Variants in FHL1 observed in about 807,000 individuals in gnomAD.
FHL1 encodes four and a half LIM domains 1.
In FHL1, 1 loss-of-function variant was observed where a neutral mutation model predicts 20.3. The ratio of observed to expected loss-of-function variants is 0.05; its 90% CI spans 0.02 to 0.23. The LOEUF is 0.23. FHL1 is among the 10% of genes least tolerant of loss of function. FHL1 has a pLI of 1.00. For synonymous variants in FHL1, 82 were observed against 88.9 expected, an observed-to-expected ratio of 0.92 and a Z score of 0.44; for missense variants, 177 against 234.0, an observed-to-expected ratio of 0.76 and a Z score of 1.59.
intron 1 of FHL1, among the ~76,000 whole-genome samples, chrX:136,197,475 A>G (rs2073587466): frequency 8.9e-6 from 1 of 112,068 alleles, no homozygotes; most frequent in Non-Finnish European, 1.9e-5. Flanking sequence ...TTTTTATAAG[A>G]TACAATTCTT....
intron 2 of FHL1, among the ~76,000 whole-genome samples, chrX:136,187,750 G>A (rs2073343815): frequency 8.9e-6 from 1 of 111,733 alleles, no homozygotes; most frequent in African/African-American, 3.3e-5. Context: ...TTTCTTTGGG[G>A]GTGATGAAAA....
chrX:136,161,701 A>T (rs1392295559), intron 1 of FHL1, among the ~76,000 whole-genome samples: 2 of 111,840 alleles, frequency 1.8e-5, no homozygotes, highest in Non-Finnish European at 3.8e-5. Context: ...CGCCAATGCC[A>T]ATTTAGGAAA....
chrX:136,165,458 TAA>T (rs2072686976), upstream of FHL1, among the ~76,000 whole-genome samples: 2 of 111,885 alleles, frequency 1.8e-5, no homozygotes, highest in African/African-American at 6.5e-5. Context: ...AGTATTTGAA[TAA>T]AAGTGAGGTA....
chrX:136,173,696 CTT>C (rs971227072), intron 2 of FHL1, among the ~76,000 whole-genome samples: 3 of 94,914 alleles, frequency 3.2e-5, no homozygotes, highest in African/African-American at 3.8e-5. Context: ...TGTTTCTTTT[CTT>C]TTTTTTTTTT....
intron 2 of FHL1, among the ~76,000 whole-genome samples, chrX:136,184,931 A>G (rs1478321654): frequency 2.7e-5 from 3 of 112,176 alleles, no homozygotes; most frequent in African/African-American, 9.7e-5. Flanking sequence ...TGAGGAAGAA[A>G]AAATAACTTG....
chrX:136,169,423 C>T (rs1248401932), upstream of FHL1: 3 of 177,904 alleles, frequency 1.7e-5, 1 homozygote, highest in South Asian at 2.0e-4. Context: ...CATGGCAACC[C>T]CTCTAAATAT....
chrX:136,158,564 C>T (rs1311556952), intron 1 of FHL1, among the ~76,000 whole-genome samples: 1 of 111,236 alleles, frequency 9.0e-6, no homozygotes, highest in Non-Finnish European at 1.9e-5. Flanking sequence ...TTTTTATAAA[C>T]ATCTCCAGAC....
chrX:136,158,202 A>G (rs1323444618), intron 1 of FHL1, among the ~76,000 whole-genome samples: 1 of 111,909 alleles, frequency 8.9e-6, no homozygotes, highest in Non-Finnish European at 1.9e-5. Flanking sequence ...TCTGTGCATG[A>G]AAGGTGTACT....
intron 2 of FHL1, among the ~76,000 whole-genome samples, chrX:136,179,756 G>A (rs1409446646): frequency 4.5e-5 from 5 of 111,646 alleles, no homozygotes. Context: ...TGAATTGTTG[G>A]AGGATATGCT....
At chrX:136,209,026 C>T (rs1325405937) in intron 5 of FHL1, 1 of 433,615 alleles carries the variant, frequency 2.3e-6, no homozygotes, top group Non-Finnish European at 4.0e-6. Context: ...TTGTAATACC[C>T]CATAGCTGAA....
intron 1 of FHL1, among the ~76,000 whole-genome samples, chrX:136,161,059 C>T (rs1208172458): frequency 8.9e-6 from 1 of 111,960 alleles, no homozygotes; most frequent in Non-Finnish European, 1.9e-5. Flanking sequence ...CACCATCTAA[C>T]CCAATCATAA....
At chrX:136,207,569 G>A (rs1430520215) in intron 3 of FHL1, 14 of 441,716 alleles carry the variant, frequency 3.2e-5, no homozygotes, top group Non-Finnish European at 5.1e-5. Context: ...GGGGGATTCA[G>A]GCACTGGATC....
chrX:136,200,487 G>T (rs1219384069), intron 1 of FHL1, among the ~76,000 whole-genome samples: 2 of 112,074 alleles, frequency 1.8e-5, no homozygotes, highest in African/African-American at 6.5e-5. Flanking sequence ...CTGAAATAGG[G>T]TTGGTATGGA....
Position 136,205,105 on chromosome X carries a change from A to G in FHL1, c.23-1302A>G, listed in dbSNP as rs1396775071. 4.5e-5 allele frequency among the ~76,000 whole-genome samples: 5 copies of G among 112,260 alleles called. No homozygotes were observed. The East Asian group carries it at 1.4e-3, about 31-fold the overall frequency. The stretch of plus-strand genomic sequence containing the variant: ...TAATTGCTATCTATTTACCCGTGCA[A>G]ATTTCTTTTTCGGGGGAGAGGAACA... On this transcript the variant is annotated intron_variant, in intron 1 of 5. Coordinates refer to ENST00000370683, the MANE Select transcript of FHL1 (RefSeq NM_001159699.2).
chrX:136,163,713 A>G (rs1251391794), intron 1 of FHL1, among the ~76,000 whole-genome samples: 4 of 111,874 alleles, frequency 3.6e-5, no homozygotes, highest in Non-Finnish European at 7.5e-5. Context: ...GCATCTGGCA[A>G]AATTGTCATG....
At chrX:136,173,854 C>T (rs1246529247) in intron 2 of FHL1, among the ~76,000 whole-genome samples, 1 of 110,639 alleles carries the variant, frequency 9.0e-6, no homozygotes, top group Non-Finnish European at 1.9e-5. Flanking sequence ...GCCCGCACCA[C>T]GCCCGGCTAA....
chrX:136,175,097 A>G (rs2148309126), intron 2 of FHL1, among the ~76,000 whole-genome samples: 1 of 112,357 alleles, frequency 8.9e-6, no homozygotes, highest in East Asian at 2.8e-4. Flanking sequence ...TACAGATTGT[A>G]AGAAAGGTGC....
At chrX:136,171,477 A>G (rs1479106427) in intron 2 of FHL1, among the ~76,000 whole-genome samples, 1 of 111,712 alleles carries the variant, frequency 9.0e-6, no homozygotes, top group African/African-American at 3.3e-5. Flanking sequence ...CTTTAAGGAG[A>G]TATAAAGAAG....
At chrX:136,186,510 G>T (rs1196685174) in intron 2 of FHL1, among the ~76,000 whole-genome samples, 1 of 111,226 alleles carries the variant, frequency 9.0e-6, no homozygotes, top group Non-Finnish European at 1.9e-5. Context: ...GAAGAAAGCA[G>T]TCTGATTAAA....
Sources: gnomAD v4.1 joint callset for allele counts (sites outside exome capture counted in the v4.1 genomes callset) on GRCh38, gnomAD v4.1.1 for gene constraint, MANE v1.5 for transcripts, NCBI Gene and HGNC (gene_info 2026-07-23, HGNC 2026-07-21) for gene names.